Variants in BICD1 observed in about 807,000 individuals in gnomAD.
The protein encoded by BICD1 is BICD cargo adaptor 1, also known as protein bicaudal D homolog 1.
In BICD1, 35 loss-of-function variants were observed where a neutral mutation model predicts 92.5. The ratio of observed to expected loss-of-function variants is 0.38; its 90% CI spans 0.29 to 0.50. BICD1 has a LOEUF of 0.50. Ranked by LOEUF, BICD1 falls within the 20% of genes least tolerant of loss-of-function variation. The pLI is 0.93. For synonymous variants in BICD1, 429 were observed against 465.1 expected (o/e 0.92, Z 1.00); for missense variants, 950 against 1,189.8 (o/e 0.80, Z 2.97).
At chr12:32,309,297 T>C (rs1032007249) in intron 4 of BICD1, among the ~76,000 whole-genome samples, 7 of 152,164 alleles carry the variant, frequency 4.6e-5, no homozygotes, top group Non-Finnish European at 1.0e-4. Context: ...GTCAGTACCA[T>C]TGTTCTGGAA....
At chr12:32,171,598 A>G (rs1052156593) in intron 1 of BICD1, among the ~76,000 whole-genome samples, 3 of 152,128 alleles carry the variant, frequency 2.0e-5, no homozygotes, top group Non-Finnish European at 4.4e-5. Context: ...TGGCAATATG[A>G]GTGCTTTTCT....
intron 4 of BICD1, among the ~76,000 whole-genome samples, chr12:32,319,688 CTG>C (rs1368133571): frequency 6.6e-6 from 1 of 152,080 alleles, no homozygotes; most frequent in Non-Finnish European, 1.5e-5. Flanking sequence ...AGCAATTCTC[CTG>C]CCTCAGCCTT....
At chr12:32,306,531 C>T (rs374278163) in intron 4 of BICD1, among the ~76,000 whole-genome samples, 4 of 152,072 alleles carry the variant, frequency 2.6e-5, no homozygotes, top group Non-Finnish European at 2.9e-5. Flanking sequence ...GCGTGAGCCA[C>T]CGCGCCCAGC....
chr12:32,204,927 A>AT (rs1263534118), intron 1 of BICD1, among the ~76,000 whole-genome samples: 1 of 152,166 alleles, frequency 6.6e-6, no homozygotes, highest in Middle Eastern at 3.2e-3. Flanking sequence ...GCGAAGCTGG[A>AT]TTTTCAGTGG....
intron 8 of BICD1, among the ~76,000 whole-genome samples, chr12:32,343,124 G>GTT (rs1938442553): frequency 6.6e-6 from 1 of 152,104 alleles, no homozygotes; most frequent in South Asian, 2.1e-4. Flanking sequence ...GCTCATCTTA[G>GTT]TTTTCACAGT....
chr12:32,118,827 C>T lies in BICD1; in HGVS notation c.213+11283C>T, dbSNP rs563584073. 5.3e-5 allele frequency among the ~76,000 whole-genome samples: 8 copies of T among 152,300 alleles called. No homozygotes were observed. In the East Asian group the frequency reaches 1.5e-3, roughly 29 times the overall value. ...TACCTCTTCATCTGTTTCATTTATT[C>T]ATTCAAAAATTTGTATTGAGTGGCT... On this transcript the variant is annotated intron_variant, in intron 1 of 9. Coordinates refer to ENST00000652176, the MANE Select transcript of BICD1 (RefSeq NM_001714.4).
At chr12:32,262,089 G>A (rs1482546512) in intron 2 of BICD1, among the ~76,000 whole-genome samples, 1 of 152,184 alleles carries the variant, frequency 6.6e-6, no homozygotes, top group Admixed American at 6.5e-5. Context: ...ATTTATGCTT[G>A]TTATATGCTT....
Position 32,368,346 on chromosome 12 carries a change from GA to G in BICD1, c.2840+603del, listed in dbSNP as rs1439351870. On this transcript the variant is annotated intron_variant, in intron 9 of 9. Transcript: ENST00000652176. ...CACTGCACACCTGCCTGGTGAGTAAGAACCTGTTGCTAAAAAACAAAACAAA... is the reference window on the plus strand; with the variant it reads ...CACTGCACACCTGCCTGGTGAGTAAGACCTGTTGCTAAAAAACAAAACAAA... Among the ~76,000 whole-genome samples the G allele has an allele frequency of 2.6e-5, 4 of 152,202 alleles. No individual in the cohort carries two copies. The East Asian group carries it at 7.7e-4, about 29-fold the overall frequency.
chr12:32,165,583 G>A (rs528992009), intron 1 of BICD1, among the ~76,000 whole-genome samples: 7 of 151,982 alleles, frequency 4.6e-5, no homozygotes, highest in African/African-American at 1.7e-4. Context: ...TACTCGGGAG[G>A]CTGAGGCAAG....
chr12:32,106,916 G>GGT lies in BICD1; in HGVS notation c.-416_-415insGT. The GGT allele has an allele frequency of 5.6e-6, 1 of 178,638 alleles. No homozygotes were observed. The highest frequency in any genetic ancestry group is 1.2e-5 in the Non-Finnish European group (1 of 85,918). 11.1% of individuals were successfully genotyped at this position (178,638 alleles called of 1,614,324 possible). On this transcript the variant is annotated 5_prime_UTR_variant, in exon 1 of 10. Coordinates refer to ENST00000652176, the MANE Select transcript of BICD1 (RefSeq NM_001714.4). ...GCGAGAGAGCGAGCCGCGAGCCGGA[G>GGT]CGCGCCAGACCCAGGGCGAGACTGC... is the stretch of plus-strand genomic sequence containing the variant.
At position 32,305,684 on chromosome 12, in the gene BICD1, C is replaced by G; in HGVS notation, c.580-13C>G. 1 of 1,588,602 alleles carries G rather than the reference C, an allele frequency of 6.3e-7. No individual in the cohort carries two copies. The highest frequency in any genetic ancestry group is 1.2e-5 in the South Asian group (1 of 86,696). On this transcript the variant is annotated splice_polypyrimidine_tract_variant and intron_variant, in intron 3 of 9. Coordinates refer to ENST00000652176, the MANE Select transcript of BICD1 (RefSeq NM_001714.4). ...TTTAGTTTTATGAATCTTCTTTATC[C>G]TGTCTGATTCAGGTTGAATACGAAG... is the stretch of plus-strand genomic sequence containing the variant.
intron 2 of BICD1, among the ~76,000 whole-genome samples, chr12:32,275,861 G>A (rs887535659): frequency 6.6e-6 from 1 of 152,108 alleles, no homozygotes; most frequent in African/African-American, 2.4e-5. Context: ...TGGGTTCCAC[G>A]GTTCTCTTCC....
intron 1 of BICD1, among the ~76,000 whole-genome samples, chr12:32,210,409 T>G (rs545468585): frequency 8.3e-4 from 126 of 152,328 alleles, no homozygotes; most frequent in Admixed American, 2.6e-3. Flanking sequence ...AAAATTTTAT[T>G]TCTTTTATCT....
intron 3 of BICD1, among the ~76,000 whole-genome samples, chr12:32,300,853 G>A (rs565618095): frequency 1.3e-5 from 2 of 151,350 alleles, no homozygotes; most frequent in East Asian, 3.9e-4. Context: ...GGGTTTCACT[G>A]TGTTAGCCAG....
intron 9 of BICD1, among the ~76,000 whole-genome samples, chr12:32,368,563 C>T (rs1410143906): frequency 6.6e-6 from 1 of 151,726 alleles, no homozygotes; most frequent in African/African-American, 2.4e-5. Flanking sequence ...GGTGTGGTGG[C>T]ACATGCCTCT....
At chr12:32,175,834 T>C (rs1201800071) in intron 1 of BICD1, among the ~76,000 whole-genome samples, 1 of 152,184 alleles carries the variant, frequency 6.6e-6, no homozygotes, top group Non-Finnish European at 1.5e-5. Context: ...GTTTAGAACG[T>C]TTTCATCCTC....
rs529195258 is a variant in BICD1 at position 32,150,481 on chromosome 12, A to G, written c.213+42937A>G. Among the ~76,000 whole-genome samples, 6 of 58,730 alleles carry G rather than the reference A, an allele frequency of 1.0e-4. No individual in the cohort carries two copies. In the East Asian group the frequency reaches 2.3e-3, roughly 23 times the overall value. The allele number at this position is 58,730 out of a possible 152,430, so 38.5% of individuals were successfully genotyped here. A position where few individuals can be genotyped will look rare whatever the true frequency, so the allele number is the denominator to read the frequency against. ...CAATCAATTTTAGAGAGACAAGTGGATGAAGATAGGGATTAAAAGAATTGT... is the reference window on the plus strand; with the variant it reads ...CAATCAATTTTAGAGAGACAAGTGGGTGAAGATAGGGATTAAAAGAATTGT... On this transcript the variant is annotated intron_variant, in intron 1 of 9. Coordinates refer to ENST00000652176, the MANE Select transcript of BICD1 (RefSeq NM_001714.4).
chr12:32,151,071 G>A (rs952047724), intron 1 of BICD1, among the ~76,000 whole-genome samples: 1 of 152,158 alleles, frequency 6.6e-6, no homozygotes, highest in African/African-American at 2.4e-5. Context: ...ATGGTGGTGG[G>A]GTTGTTGGGA....
chr12:32,220,353 G>A (rs958769317), intron 2 of BICD1, among the ~76,000 whole-genome samples: 31 of 152,096 alleles, frequency 2.0e-4, no homozygotes, highest in Non-Finnish European at 3.8e-4. Flanking sequence ...ATCTGACAAA[G>A]GGCTGATATC....
Sources: gnomAD v4.1 joint callset for allele counts (sites outside exome capture counted in the v4.1 genomes callset) on GRCh38, gnomAD v4.1.1 for gene constraint, MANE v1.5 for transcripts, NCBI Gene and HGNC (gene_info 2026-07-23, HGNC 2026-07-21) for gene names.